XPO6: variants seen among roughly 807,000 people sequenced by gnomAD.
XPO6 encodes exportin-6.
A neutral mutation model predicts 130.0 loss-of-function variants in XPO6; 3 were observed. The observed-to-expected ratio is 0.02, with a 90% CI of 0.01 to 0.06. XPO6 has a LOEUF of 0.06. Ranked by LOEUF, XPO6 falls within the 10% of genes least tolerant of loss-of-function variation. XPO6 has a pLI of 1.00. For synonymous variants in XPO6, 524 were observed against 548.9 expected, an observed-to-expected ratio of 0.95 and a Z score of 0.63; for missense variants, 970 against 1,393.0, an observed-to-expected ratio of 0.70 and a Z score of 4.83.
rs1438334083 is a variant in XPO6 at position 28,175,892 on chromosome 16, C to G, written c.405+6G>C. On this transcript the variant is annotated splice_donor_region_variant and intron_variant, in intron 4 of 23. Transcript: ENST00000304658. ...CAAGATAAAGTTTCCTTAGGCATAT[C>G]CTTACCTGTAAAATGTTAGTAAAAA... 3 of 1,612,924 alleles carry G rather than the reference C, an allele frequency of 1.9e-6. No homozygotes were observed. The highest frequency in any genetic ancestry group is 2.5e-6 in the Non-Finnish European group (3 of 1,179,038).
At chr16:28,109,301 C>CTTTTTT (rs77303555) in intron 17 of XPO6, among the ~76,000 whole-genome samples, 9 of 141,640 alleles carry the variant, frequency 6.4e-5, no homozygotes, top group African/African-American at 1.8e-4. Flanking sequence ...TTTTTCTTTT[C>CTTTTTT]TTTTTTTTTT....
Position 28,101,743 on chromosome 16 carries a change from G to T in XPO6, c.3046-55C>A, listed in dbSNP as rs2086659737. On this transcript the variant is annotated intron_variant, in intron 22 of 23. Coordinates refer to ENST00000304658, the MANE Select transcript of XPO6 (RefSeq NM_015171.4). This position sits in a 1 kb window ranked among gnomAD's most constrained non-coding sequence, Gnocchi z 5.4. ...GCCAGCCCCCAGGGGCCTGTCCCGG[G>T]TCCCATCCACTTTCTGTCACACTCT... The T allele has an allele frequency of 1.9e-6, 3 of 1,584,852 alleles. No individual in the cohort carries two copies. The highest frequency in any genetic ancestry group is 1.3e-5 in the African/African-American group (1 of 74,332).
intron 1 of XPO6, among the ~76,000 whole-genome samples, chr16:28,210,359 A>C (rs1044254423): frequency 1.3e-5 from 2 of 152,178 alleles, no homozygotes; most frequent in African/African-American, 2.4e-5. Context: ...TGGCAGGGGT[A>C]AAATGGGTGA....
At chr16:28,112,313 T>A (rs141062458) in intron 16 of XPO6, among the ~76,000 whole-genome samples, 1 of 152,298 alleles carries the variant, frequency 6.6e-6, no homozygotes, top group Admixed American at 6.5e-5. Context: ...TCTCAGGCAT[T>A]GTTCAGCTGG....
chr16:28,157,845 C>T (rs1567629068), intron 6 of XPO6, among the ~76,000 whole-genome samples: 1 of 152,226 alleles, frequency 6.6e-6, no homozygotes, highest in Non-Finnish European at 1.5e-5. Context: ...GAGGACCTGG[C>T]ACTCTGGAGT....
intron 9 of XPO6, among the ~76,000 whole-genome samples, chr16:28,144,168 C>T (rs932863674): frequency 1.3e-5 from 2 of 152,112 alleles, no homozygotes; most frequent in African/African-American, 4.8e-5. Context: ...GGCAACTTCA[C>T]CAAAAACAGG....
chr16:28,105,932 A>G, intron 20 of XPO6, 111 bp downstream of exon 20: 1 of 1,477,350 alleles, frequency 6.8e-7, no homozygotes, highest in South Asian at 1.3e-5. Context: ...CTTTACAAGC[A>G]TATTAAACTA....
chr16:28,172,737 C>T (rs568384173), intron 4 of XPO6, among the ~76,000 whole-genome samples: 31 of 151,774 alleles, frequency 2.0e-4, no homozygotes, highest in African/African-American at 6.8e-4. Flanking sequence ...ACTGTCACAG[C>T]GTTTAAAAAA....
At chr16:28,184,074 T>G (rs1169867745) in intron 1 of XPO6, among the ~76,000 whole-genome samples, 15 of 152,048 alleles carry the variant, frequency 9.9e-5, no homozygotes, top group Admixed American at 7.9e-4. Context: ...AGTTAAGGAA[T>G]TAACTGCAAG....
intron 8 of XPO6, among the ~76,000 whole-genome samples, chr16:28,152,379 C>G (rs538822313): frequency 1.4e-4 from 21 of 152,158 alleles, no homozygotes; most frequent in Non-Finnish European, 2.9e-4. Flanking sequence ...GTCAAGAGCC[C>G]TGACTCTGGG....
chr16:28,179,849 A>G (rs1002141878), intron 2 of XPO6, among the ~76,000 whole-genome samples: 9 of 152,186 alleles, frequency 5.9e-5, no homozygotes, highest in African/African-American at 1.9e-4. Context: ...AAACCCCTGG[A>G]TTCCCCTCAG....
chr16:28,145,542 T>C (rs1175590652), intron 9 of XPO6, among the ~76,000 whole-genome samples: 4 of 152,270 alleles, frequency 2.6e-5, no homozygotes, highest in Non-Finnish European at 5.9e-5. Context: ...ATTATGTTTA[T>C]CTTCCTTACA....
At chr16:28,180,381 A>T (rs963795815) in intron 2 of XPO6, among the ~76,000 whole-genome samples, 5 of 151,404 alleles carry the variant, frequency 3.3e-5, no homozygotes, top group Non-Finnish European at 7.4e-5. Flanking sequence ...AAACAAAAAA[A>T]TTTTTTTTTG....
chr16:28,183,992 T>C (rs1207317676), intron 1 of XPO6, among the ~76,000 whole-genome samples: 1 of 152,136 alleles, frequency 6.6e-6, no homozygotes, highest in Admixed American at 6.5e-5. Flanking sequence ...TGGCTCCCGT[T>C]TGGCAACAAA....
intron 1 of XPO6, among the ~76,000 whole-genome samples, chr16:28,208,010 G>A (rs1233938624): frequency 1.3e-3 from 2 of 1,486 alleles, no homozygotes; most frequent in African/African-American, 3.0e-3. Flanking sequence ...AAAAAAACTA[G>A]CTGGGCGTGC....
intron 9 of XPO6, among the ~76,000 whole-genome samples, chr16:28,143,358 T>C (rs2042929042): frequency 6.6e-6 from 1 of 152,222 alleles, no homozygotes. Flanking sequence ...GAGTGCCTAA[T>C]ACATCTAGAT....
At chr16:28,169,368 G>A (rs1298847009) in intron 5 of XPO6, among the ~76,000 whole-genome samples, 2 of 152,126 alleles carry the variant, frequency 1.3e-5, no homozygotes, top group Non-Finnish European at 1.5e-5. Context: ...TACCCAGAAC[G>A]GGAAATTTTC....
At chr16:28,152,824 A>G (rs2043118896) in intron 7 of XPO6, 39 bp from the exon 8 acceptor site, 1 of 1,599,324 alleles carries the variant, frequency 6.3e-7, no homozygotes, top group African/African-American at 1.4e-5. Context: ...TAAGAAACCC[A>G]GCCACCTCCT....
intron 1 of XPO6, among the ~76,000 whole-genome samples, chr16:28,210,098 C>T (rs2141923986): frequency 6.6e-6 from 1 of 152,292 alleles, no homozygotes; most frequent in Non-Finnish European, 1.5e-5. Context: ...CACTGCACTC[C>T]AGCCTAGGAA....
Sources: gnomAD v4.1 joint callset for allele counts (sites outside exome capture counted in the v4.1 genomes callset) on GRCh38, gnomAD v4.1.1 for gene constraint, Gnocchi (gnomAD v3.1) non-coding constraint, MANE v1.5 for transcripts, NCBI Gene and HGNC (gene_info 2026-07-23, HGNC 2026-07-21) for gene names.